The following EPHA6 variants were observed in gnomAD, a reference collection of about 807,000 sequenced individuals.
EPHA6 encodes the protein EPH receptor A6, also known as ephrin type-A receptor 6.
A neutral mutation model predicts 112.0 loss-of-function variants in EPHA6; 50 were observed. That is an observed-to-expected ratio of 0.45 (90% CI 0.36 to 0.56). The LOEUF is 0.56. Ranked by LOEUF, EPHA6 falls within the 20% of genes least tolerant of loss-of-function variation. EPHA6 has a pLI of 0.00. For missense variants in EPHA6, 1,280 were observed against 1,417.4 expected (o/e 0.90, Z 1.56); for synonymous variants, 529 against 490.7 (o/e 1.08, Z -1.03).
chr3:96,948,139 A>G (rs1024749470), intron 2 of EPHA6, among the ~76,000 whole-genome samples: 1 of 152,186 alleles, frequency 6.6e-6, no homozygotes, highest in East Asian at 1.9e-4. Context: ...ATGAAGGCAA[A>G]AACTGTTTTT....
At chr3:97,334,480 T>TC (rs2082960797) in intron 5 of EPHA6, among the ~76,000 whole-genome samples, 1 of 126,804 alleles carries the variant, frequency 7.9e-6, no homozygotes, top group African/African-American at 2.7e-5. Flanking sequence ...TTTTTCTTCT[T>TC]TTTTTTTTTT....
intron 3 of EPHA6, among the ~76,000 whole-genome samples, chr3:97,047,328 G>A (rs368945576): frequency 3.3e-5 from 5 of 151,518 alleles, no homozygotes; most frequent in East Asian, 1.9e-4. Context: ...GTGAAACCCC[G>A]TCTCTACTAA....
chr3:97,561,140 A>T (rs1042082050), intron 11 of EPHA6, among the ~76,000 whole-genome samples: 3 of 151,942 alleles, frequency 2.0e-5, no homozygotes, highest in African/African-American at 7.2e-5. Flanking sequence ...GCACAATAAG[A>T]TTGAAGTTAG....
At chr3:96,892,950 A>ATGTGTGTG (rs1398094685) in intron 2 of EPHA6, among the ~76,000 whole-genome samples, 28 of 136,416 alleles carry the variant, frequency 2.1e-4, no homozygotes, top group African/African-American at 9.6e-4. Flanking sequence ...TTATATATAT[A>ATGTGTGTG]TATATGTGTG....
chr3:96,828,479 C>G (rs562077515), intron 1 of EPHA6, among the ~76,000 whole-genome samples: 3 of 152,212 alleles, frequency 2.0e-5, no homozygotes, highest in African/African-American at 4.8e-5. Context: ...GAAAAGAAAT[C>G]TTAAAGTAAC....
chr3:97,095,915 T>C (rs958498062), intron 3 of EPHA6, among the ~76,000 whole-genome samples: 2 of 152,024 alleles, frequency 1.3e-5, no homozygotes, highest in Non-Finnish European at 2.9e-5. Flanking sequence ...TATTATACTT[T>C]GAAAACCTCT....
In EPHA6 at chr3:96,864,621, G is replaced by A. The variant is rs115101163; in HGVS notation, c.386-2204G>A. Reference sequence around the variant, plus strand: ...TATTCTCTAGCTTGATTGTAGCCATGGTTCCATGGATGTAGGAGTTTGTCA... The same window carrying A: ...TATTCTCTAGCTTGATTGTAGCCATAGTTCCATGGATGTAGGAGTTTGTCA... On this transcript the variant is annotated intron_variant, in intron 1 of 17. Coordinates refer to ENST00000389672, the MANE Select transcript of EPHA6 (RefSeq NM_001080448.3). Among the ~76,000 whole-genome samples, 1,073 of 152,114 alleles carry A rather than the reference G, an allele frequency of 7.1e-3. 8 individuals carry two copies. Among genetic ancestry groups the A allele is most frequent in the African/African-American group, 0.025 (1,019 of 41,528 alleles).
At chr3:97,672,569 T>C (rs763276536) in intron 14 of EPHA6, among the ~76,000 whole-genome samples, 4 of 152,008 alleles carry the variant, frequency 2.6e-5, no homozygotes, top group South Asian at 2.1e-4. Flanking sequence ...AAATGCATGA[T>C]GAAGAGTGGA....
chr3:97,545,257 A>G (rs1323227627), intron 11 of EPHA6, among the ~76,000 whole-genome samples: 1 of 151,972 alleles, frequency 6.6e-6, no homozygotes, highest in African/African-American at 2.4e-5. Flanking sequence ...AGATTCTGGT[A>G]TGTTGTGTCT....
At chr3:96,959,532 G>GTGTTTTCCTT (rs2041884369) in intron 2 of EPHA6, among the ~76,000 whole-genome samples, 1 of 151,796 alleles carries the variant, frequency 6.6e-6, no homozygotes, top group Non-Finnish European at 1.5e-5. Flanking sequence ...TTTTATTATA[G>GTGTTTTCCTT]TGTTTTCCTT....
intron 6 of EPHA6, among the ~76,000 whole-genome samples, chr3:97,412,059 C>T (rs1577294711): frequency 6.6e-6 from 1 of 152,016 alleles, no homozygotes; most frequent in African/African-American, 2.4e-5. Context: ...CTACTTTTGC[C>T]GTTTGCTCAA....
chr3:97,026,419 T>C (rs906855822), intron 3 of EPHA6, among the ~76,000 whole-genome samples: 14 of 152,204 alleles, frequency 9.2e-5, no homozygotes, highest in African/African-American at 3.4e-4. Flanking sequence ...GTTTGTGTCA[T>C]CTCTTATTTC....
At chr3:97,364,884 TA>T (rs2084626559) in intron 5 of EPHA6, among the ~76,000 whole-genome samples, 1 of 152,134 alleles carries the variant, frequency 6.6e-6, no homozygotes, top group Admixed American at 6.5e-5. Context: ...CTAGGCCTTT[TA>T]AAACTATTGT....
At chr3:96,834,191 A>G (rs919136812) in intron 1 of EPHA6, among the ~76,000 whole-genome samples, 1 of 152,128 alleles carries the variant, frequency 6.6e-6, no homozygotes, top group African/African-American at 2.4e-5. Flanking sequence ...TTTACAGAGT[A>G]TGTAACGTTT....
chr3:97,083,563 GTTT>G (rs2046792946), intron 3 of EPHA6, among the ~76,000 whole-genome samples: 1 of 151,670 alleles, frequency 6.6e-6, no homozygotes, highest in Non-Finnish European at 1.5e-5. Context: ...TCTCTATAGC[GTTT>G]TTATCAAACT....
chr3:97,424,891 G>T (rs2088983453), intron 6 of EPHA6, among the ~76,000 whole-genome samples: 1 of 151,704 alleles, frequency 6.6e-6, no homozygotes. Flanking sequence ...TGTTCCACAT[G>T]GGAGAAATTG....
Position 96,887,355 on chromosome 3 carries a change from T to C in EPHA6, c.450+20466T>C, listed in dbSNP as rs567566388. On this transcript the variant is annotated intron_variant, in intron 2 of 17. Coordinates refer to ENST00000389672, the MANE Select transcript of EPHA6 (RefSeq NM_001080448.3). Reference sequence around the variant, plus strand: ...GAGCCGATCTGCAGTGATTGTCTTCTCTCTTCTGGGTCTAGCCACTCAGTG... The same window carrying C: ...GAGCCGATCTGCAGTGATTGTCTTCCCTCTTCTGGGTCTAGCCACTCAGTG... Among the ~76,000 whole-genome samples the C allele has an allele frequency of 6.6e-5, 10 of 152,260 alleles. No homozygotes were observed. The South Asian group carries it at 1.9e-3, about 28-fold the overall frequency.
intron 11 of EPHA6, among the ~76,000 whole-genome samples, chr3:97,566,786 C>G (rs1240849063): frequency 6.6e-6 from 1 of 152,114 alleles, no homozygotes. Flanking sequence ...ATCCGGTGAG[C>G]TTTTTCTATA....
At chr3:97,699,619 C>T (rs1481280740) in intron 14 of EPHA6, among the ~76,000 whole-genome samples, 1 of 152,178 alleles carries the variant, frequency 6.6e-6, no homozygotes, top group Non-Finnish European at 1.5e-5. Context: ...GGTAGAGAAA[C>T]ATAGGACACA....
Sources: gnomAD v4.1 joint callset for allele counts (sites outside exome capture counted in the v4.1 genomes callset) on GRCh38, gnomAD v4.1.1 for gene constraint, MANE v1.5 for transcripts, NCBI Gene and HGNC (gene_info 2026-07-23, HGNC 2026-07-21) for gene names.